Variants in ELP2 observed in about 807,000 individuals in gnomAD.
ELP2 encodes elongator complex protein 2.
Under a neutral mutation model 119.2 loss-of-function variants are expected in ELP2, and 90 were observed. The ratio of observed to expected loss-of-function variants is 0.75; its 90% CI spans 0.64 to 0.90. The LOEUF is 0.90. Ranked by LOEUF, ELP2 falls within the 40% of genes least tolerant of loss-of-function variation. The probability of loss-of-function intolerance (pLI) is 0.00; values close to 1 mark genes in which losing one functional copy is unlikely to be tolerated. For missense variants in ELP2, 921 were observed against 967.8 expected (o/e 0.95, Z 0.64); for synonymous variants, 339 against 331.0 (o/e 1.02, Z -0.26).
At chr18:36,130,094 C>T (rs1381440347) in intron 1 of ELP2, 23 bp downstream of exon 1, 3 of 1,613,746 alleles carry the variant, frequency 1.9e-6, no homozygotes, top group African/African-American at 2.7e-5. Context: ...GCTGGACGGC[C>T]GACCCTTGTG....
At position 36,142,997 on chromosome 18, in the gene ELP2, G is replaced by A. The variant is rs112928439; in HGVS notation, c.796+31G>A. On this transcript the variant is annotated intron_variant, in intron 8 of 21. Transcript: ENST00000358232. ...TAATAATGAAAATATCCAATATAAC[G>A]ATACTTAGGTCTCCTAGTTGGTTGA... is the stretch of plus-strand genomic sequence containing the variant. 21 of 1,498,362 alleles carry A rather than the reference G, an allele frequency of 1.4e-5. No individual in the cohort carries two copies. The African/African-American group carries it at 2.0e-4, about 14-fold the overall frequency. 92.8% of individuals were successfully genotyped at this position (1,498,362 alleles called of 1,614,324 possible).
At chr18:36,146,207 T>C (rs1000792127) in intron 10 of ELP2, 43 bp from the exon 11 acceptor site, 6 of 1,612,514 alleles carry the variant, frequency 3.7e-6, no homozygotes, top group South Asian at 2.2e-5. Context: ...GTGAGAAACA[T>C]AGACTATTGA....
chr18:36,155,942 T>C (rs950786045), intron 12 of ELP2, among the ~76,000 whole-genome samples: 1 of 152,206 alleles, frequency 6.6e-6, no homozygotes, highest in Non-Finnish European at 1.5e-5. Flanking sequence ...GAGTTTACCA[T>C]CTAGCTGTAG....
At chr18:36,167,868 G>A (rs1451248331) in intron 19 of ELP2, among the ~76,000 whole-genome samples, 2 of 151,934 alleles carry the variant, frequency 1.3e-5, no homozygotes, top group African/African-American at 4.8e-5. Context: ...TGTAGAGATG[G>A]GGTCTTGCCA....
In ELP2 at chr18:36,143,373, C is replaced by T. The variant is rs184287369; in HGVS notation, c.796+407C>T. ...CTGACCTCAGGTGATCTGCCCGCCT[C>T]GGCCTCCCAAAGTGCTGGGATTACA... On this transcript the variant is annotated intron_variant, in intron 8 of 21. Transcript: ENST00000358232. Among the ~76,000 whole-genome samples, 573 of 150,900 alleles carry T rather than the reference C, an allele frequency of 3.8e-3. 6 individuals are homozygous for T. The highest frequency in any genetic ancestry group is 0.013 in the African/African-American group (538 of 41,054).
chr18:36,166,936 C>T (rs961229317), intron 18 of ELP2, 165 bp from the exon 19 acceptor site: 1 of 556,806 alleles, frequency 1.8e-6, no homozygotes, highest in South Asian at 3.5e-5. Context: ...TGTCCACAGC[C>T]TTCTGGTGAG....
chr18:36,170,238 G>T (rs2091038261), intron 20 of ELP2, 42 bp downstream of exon 20: 2 of 1,612,568 alleles, frequency 1.2e-6, no homozygotes, highest in Non-Finnish European at 1.7e-6. Context: ...GGACCACTTG[G>T]TTTCTTAATA....
At position 36,133,314 on chromosome 18, in the gene ELP2, G is replaced by A. The variant is rs753671102; in HGVS notation, c.215G>A (p.Gly72Asp). The A allele has an allele frequency of 1.9e-6, 3 of 1,610,564 alleles. No individual in the cohort carries two copies. Among genetic ancestry groups the A allele is most frequent in the Admixed American group, 1.7e-5 (1 of 60,022 alleles). Residue 72 changes from glycine to aspartate, a missense_variant and splice_region_variant, in exon 2 of 22, where the codon GGC (glycine) becomes GAC (aspartate). Physicochemically the swap from Gly to Asp is moderately conservative, Grantham distance 94 (BLOSUM62 -1). Transcript: ENST00000358232. ...NCIQWICKQDGSPSTELVSGG... is the reference protein window; with the variant it reads ...NCIQWICKQDDSPSTELVSGG... Reference sequence around the variant, plus strand: ...ATACAGTGGATTTGTAAACAGGATGGCTGTAAGTATTAACCAGATTTTAAA... The same window carrying A: ...ATACAGTGGATTTGTAAACAGGATGACTGTAAGTATTAACCAGATTTTAAA...
chr18:36,146,290 A>T lies in ELP2; in HGVS notation c.1034A>T (p.Tyr345Phe). Residue 345 changes from tyrosine to phenylalanine, a missense_variant, in exon 11 of 22, where the codon TAT (tyrosine) becomes TTT (phenylalanine). Tyr to Phe is a conservative substitution (Grantham distance 22). Coordinates refer to ENST00000358232, the MANE Select transcript of ELP2 (RefSeq NM_018255.4). ...GTAGGTGGGAATACTTTGGGATTTT[A>T]TGATTGCCAGTTCAATGAAGATGGC... ...GEVGGNTLGFYDCQFNEDGSM... is the reference protein window; with the variant it reads ...GEVGGNTLGFFDCQFNEDGSM... 1.9e-6 allele frequency: 3 copies of T among 1,614,154 alleles called. No individual in the cohort carries two copies. The highest frequency in any genetic ancestry group is 2.2e-5 in the East Asian group (1 of 44,874).
rs2089698599 is a variant in ELP2, at chr18:36,133,252, T to TAG, written c.154_155insGA (p.Thr52ArgfsTer4). ...CTTCTCTAAAGAAAAGGGTTGTTGTTACCAACTTGAATGGTCACACCGCCC... is the reference window on the plus strand; with the variant it reads ...CTTCTCTAAAGAAAAGGGTTGTTGTTAGACCAACTTGAATGGTCACACCGCCC... On this transcript the variant is annotated frameshift_variant, in exon 2 of 22. Transcript: ENST00000358232. LOFTEE classifies it high-confidence loss of function. 9.3e-6 allele frequency: 15 copies of TAG among 1,613,248 alleles called. No homozygotes were observed. Among genetic ancestry groups the TAG allele is most frequent in the Non-Finnish European group, 1.3e-5 (15 of 1,179,284 alleles).
At chr18:36,166,277 ATTC>A (rs1358805455) in intron 18 of ELP2, among the ~76,000 whole-genome samples, 109 of 126,878 alleles carry the variant, frequency 8.6e-4, no homozygotes, top group Non-Finnish European at 1.5e-3. Flanking sequence ...ATACGCTCTT[ATTC>A]CCTCCTCATA....
At chr18:36,137,046 G>T (rs2089852047) in intron 3 of ELP2, 1 of 152,058 alleles carries the variant, frequency 6.6e-6, no homozygotes, top group South Asian at 2.1e-4. Flanking sequence ...AATACAAAAA[G>T]TATAAAGAAG....
In ELP2 at chr18:36,179,667, CAG is replaced by C. The variant is rs1287155847; in HGVS notation, c.*5029_*5030del. On this transcript the variant is annotated 3_prime_UTR_variant, in exon 22 of 22. Coordinates refer to ENST00000358232, the MANE Select transcript of ELP2 (RefSeq NM_018255.4). ...ACTGTCCCCAGACTGTCTCCCGACA[CAG>C]AGGGATGCAAAGGCAGCCTCTTCCT... 2.0e-5 allele frequency: 3 copies of C among 152,222 alleles called. No individual in the cohort carries two copies. The highest frequency in any genetic ancestry group is 4.8e-5 in the African/African-American group (2 of 41,442). 9.4% of individuals were successfully genotyped at this position (152,222 alleles called of 1,614,324 possible).
chr18:36,136,264 A>G, intron 2 of ELP2, 43 bp from the exon 3 acceptor site: 1 of 1,495,380 alleles, frequency 6.7e-7, no homozygotes, highest in Non-Finnish European at 9.3e-7. Context: ...AAAATTGCAG[A>G]AAAAATGAAT....
At chr18:36,154,684 A>G (rs916535092) in intron 11 of ELP2, among the ~76,000 whole-genome samples, 166 bp from the exon 12 acceptor site, 1 of 152,232 alleles carries the variant, frequency 6.6e-6, no homozygotes, top group Non-Finnish European at 1.5e-5. Flanking sequence ...AAGCTCTTAC[A>G]TGATTGATTG....
At chr18:36,146,197 G>T in intron 10 of ELP2, 53 bp from the exon 11 acceptor site, 1 of 1,611,592 alleles carries the variant, frequency 6.2e-7, no homozygotes, top group South Asian at 1.1e-5. Context: ...GATTTCTGTT[G>T]TGAGAAACAT....
intron 17 of ELP2, among the ~76,000 whole-genome samples, chr18:36,162,508 A>G (rs1052839169): frequency 3.9e-4 from 59 of 152,162 alleles, no homozygotes; most frequent in African/African-American, 1.2e-3. Flanking sequence ...TTGGGCTTTT[A>G]CTCATGGTAC....
In ELP2 at chr18:36,141,200, A is replaced by G. The variant is rs1237798107; in HGVS notation, c.587A>G (p.Gln196Arg). ...CACATATTTGCTCAACAAAATGATCAGGTAATAATGTTTATATTAAGAGGC... is the reference window on the plus strand; with the variant it reads ...CACATATTTGCTCAACAAAATGATCGGGTAATAATGTTTATATTAAGAGGC... ...RIHIFAQQNDQFQKVLSLCGH... is the reference protein window; with the variant it reads ...RIHIFAQQNDRFQKVLSLCGH... The change falls in exon 6 of 22, where the codon CAG becomes CGG. Residue 196 changes from glutamine (Q) to arginine (R), a missense_variant and splice_region_variant. Coordinates refer to ENST00000358232, the MANE Select transcript of ELP2 (RefSeq NM_018255.4). The G allele has an allele frequency of 1.9e-6, 3 of 1,607,986 alleles. No homozygotes were observed. The highest frequency in any genetic ancestry group is 1.7e-6 in the Non-Finnish European group (2 of 1,174,456).
chr18:36,131,952 T>C (rs1464153014), intron 1 of ELP2, among the ~76,000 whole-genome samples: 1 of 148,186 alleles, frequency 6.7e-6, no homozygotes, highest in South Asian at 2.2e-4. Flanking sequence ...TTTTTTTTTT[T>C]TGGAGTGTAG....
Sources: gnomAD v4.1 joint callset for allele counts (sites outside exome capture counted in the v4.1 genomes callset) on GRCh38, gnomAD v4.1.1 for gene constraint, MANE v1.5 for transcripts, NCBI Gene and HGNC (gene_info 2026-07-23, HGNC 2026-07-21) for gene names.